Variants in SLC9B1 observed in about 807,000 individuals in gnomAD.
The protein encoded by SLC9B1 is solute carrier family 9 member B1.
A neutral mutation model predicts 51.7 loss-of-function variants in SLC9B1; 32 were observed. That is an observed-to-expected ratio of 0.62 (90% CI 0.47 to 0.83). The LOEUF is 0.83. Ranked by LOEUF, SLC9B1 falls within the 40% of genes least tolerant of loss-of-function variation. The pLI is 0.00. For synonymous variants in SLC9B1, 145 were observed against 212.7 expected, an observed-to-expected ratio of 0.68 and a Z score of 2.77; for missense variants, 406 against 613.2, an observed-to-expected ratio of 0.66 and a Z score of 3.57.
At chr4:102,982,254 T>C (rs899720476) in intron 3 of SLC9B1, among the ~76,000 whole-genome samples, 4 of 152,162 alleles carry the variant, frequency 2.6e-5, no homozygotes, top group African/African-American at 7.2e-5. Flanking sequence ...TTCTGTTTGA[T>C]TGATCTCTTT....
At chr4:102,905,750 G>A in intron 10 of SLC9B1, 100 bp from the exon 11 acceptor site, 1 of 1,102,320 alleles carries the variant, frequency 9.1e-7, no homozygotes, top group South Asian at 1.4e-5. Context: ...AACATTTTAA[G>A]GCTATTGTCT....
At chr4:102,949,644 T>C (rs918894674) in intron 3 of SLC9B1, among the ~76,000 whole-genome samples, 10 of 152,126 alleles carry the variant, frequency 6.6e-5, no homozygotes, top group Admixed American at 4.6e-4. Context: ...AAACAAAGTG[T>C]TTTTACTTTA....
chr4:103,015,274 T>C (rs1049702240), intron 1 of SLC9B1, among the ~76,000 whole-genome samples: 2 of 143,884 alleles, frequency 1.4e-5, no homozygotes, highest in African/African-American at 2.6e-5. Context: ...AATTTGAATG[T>C]ATGGACCAAA....
At chr4:102,886,763 T>C (rs552652016) in intron 11 of SLC9B1, among the ~76,000 whole-genome samples, 34 of 204 alleles carry the variant, frequency 0.17, no homozygotes, top group Middle Eastern at 0.5. Context: ...CACAGGCGTA[T>C]GCACCACGCC....
At chr4:102,988,056 C>T (rs1430674932) in intron 3 of SLC9B1, among the ~76,000 whole-genome samples, 1 of 152,142 alleles carries the variant, frequency 6.6e-6, no homozygotes, top group South Asian at 2.1e-4. Context: ...AGACTGCTAA[C>T]TTCATAAAAC....
rs757592104 is a variant in SLC9B1, at chr4:102,906,659, A to G, written c.1087-15T>C. On this transcript the variant is annotated splice_polypyrimidine_tract_variant and intron_variant, in intron 9 of 11. Transcript: ENST00000296422. ...TGGACTTTCATCTATAGAAAAGAGAAATACATTTATAATGATTTTGGCACA... is the reference window on the plus strand; with the variant it reads ...TGGACTTTCATCTATAGAAAAGAGAGATACATTTATAATGATTTTGGCACA... The G allele has an allele frequency of 4.3e-6, 6 of 1,399,918 alleles. No individual in the cohort carries two copies. The highest frequency in any genetic ancestry group is 1.4e-5 in the African/African-American group (1 of 70,118). The allele number at this position is 1,399,918 out of a possible 1,614,324, so 86.7% of individuals were successfully genotyped here. A position where few individuals can be genotyped will look rare whatever the true frequency, so the allele number is the denominator to read the frequency against.
At chr4:102,962,670 T>C in intron 3 of SLC9B1, 4 of 468,074 alleles carry the variant, frequency 8.5e-6, no homozygotes, top group South Asian at 4.8e-5. Context: ...ATCCTGATTG[T>C]AGGTGATACT....
intron 6 of SLC9B1, among the ~76,000 whole-genome samples, chr4:102,941,805 C>A (rs574412929): frequency 6.6e-6 from 1 of 150,928 alleles, no homozygotes; most frequent in African/African-American, 2.4e-5. Flanking sequence ...AAGTCCTAGC[C>A]AGAGCAATCA....
At chr4:102,974,293 T>C (rs1738942622) in intron 3 of SLC9B1, among the ~76,000 whole-genome samples, 1 of 97,794 alleles carries the variant, frequency 1.0e-5, no homozygotes, top group South Asian at 3.3e-4. Context: ...TAAAATAAAT[T>C]AAAGGAAATA....
At chr4:102,917,479 ATCTATATCTAT>A (rs1244771728) in intron 7 of SLC9B1, among the ~76,000 whole-genome samples, 2 of 144,702 alleles carry the variant, frequency 1.4e-5, no homozygotes, top group African/African-American at 5.4e-5. Flanking sequence ...CTATATCTAT[ATCTATATCTAT>A]ATCTCCTATT....
At chr4:102,948,367 C>CA (rs70941645) in intron 4 of SLC9B1, among the ~76,000 whole-genome samples, 8 of 139,042 alleles carry the variant, frequency 5.8e-5, no homozygotes, top group Non-Finnish European at 1.2e-4. Flanking sequence ...CACACACACA[C>CA]TACTGGTCAA....
chr4:102,973,932 G>C (rs184729888), intron 3 of SLC9B1, among the ~76,000 whole-genome samples: 1 of 152,176 alleles, frequency 6.6e-6, no homozygotes, highest in African/African-American at 2.4e-5. Context: ...TCCACCTTCG[G>C]AAGTTTGGAA....
chr4:102,945,062 C>A, intron 6 of SLC9B1, 131 bp downstream of exon 6: 1 of 1,083,908 alleles, frequency 9.2e-7, no homozygotes, highest in Non-Finnish European at 1.2e-6. Context: ...TAATCAACTG[C>A]TTTCCAAGGA....
At position 102,991,751 on chromosome 4, in the gene SLC9B1, A is replaced by G. The variant is rs767502596; in HGVS notation, c.-1-39T>C. 1.4e-5 allele frequency: 20 copies of G among 1,396,374 alleles called. No individual in the cohort carries two copies. In the East Asian group the frequency reaches 4.7e-4, roughly 33 times the overall value. 86.5% of individuals were successfully genotyped at this position (1,396,374 alleles called of 1,614,324 possible). A position where few individuals can be genotyped will look rare whatever the true frequency, so the allele number is the denominator to read the frequency against. On this transcript the variant is annotated intron_variant, in intron 1 of 11. Coordinates refer to ENST00000296422, the MANE Select transcript of SLC9B1 (RefSeq NM_139173.4). ...GAAAAATACTTTAAAAGAAGAAACA[A>G]GACTATAAATCCATATGAAAACAAA...
At chr4:102,972,258 C>G (rs773681069) in intron 3 of SLC9B1, among the ~76,000 whole-genome samples, 1 of 152,146 alleles carries the variant, frequency 6.6e-6, no homozygotes, top group Non-Finnish European at 1.5e-5. Context: ...ACAGGCAAAC[C>G]GAATCCAGCA....
chr4:102,947,623 G>A (rs1441168646), intron 4 of SLC9B1, among the ~76,000 whole-genome samples: 1 of 152,206 alleles, frequency 6.6e-6, no homozygotes, highest in Non-Finnish European at 1.5e-5. Context: ...AAAGTGCTGG[G>A]ATTATGGGCA....
intron 1 of SLC9B1, chr4:103,017,028 C>G (rs1418759601): frequency 1.3e-5 from 2 of 152,000 alleles, no homozygotes; most frequent in East Asian, 1.9e-4. Flanking sequence ...AAAACTCCCC[C>G]CTCCCACCGC....
chr4:103,002,991 G>T (rs1445739016), intron 1 of SLC9B1, among the ~76,000 whole-genome samples: 1 of 152,044 alleles, frequency 6.6e-6, no homozygotes, highest in Non-Finnish European at 1.5e-5. Flanking sequence ...ATATAAAAAA[G>T]AAACAAAATC....
chr4:102,975,719 C>T lies in SLC9B1; in HGVS notation c.211+14081G>A, dbSNP rs529268289. On this transcript the variant is annotated intron_variant, in intron 3 of 11. Transcript: ENST00000296422. Reference sequence around the variant, plus strand: ...GAGTAGCTGGGACTACAGGTGCATGCCATGATGTCTGGCTAATTTTGTATT... The same window carrying T: ...GAGTAGCTGGGACTACAGGTGCATGTCATGATGTCTGGCTAATTTTGTATT... Among the ~76,000 whole-genome samples the T allele has an allele frequency of 2.7e-5, 4 of 149,356 alleles. No homozygotes were observed. In the East Asian group the frequency reaches 8.0e-4, roughly 30 times the overall value.
Sources: allele counts gnomAD v4.1 joint callset (sites outside exome capture counted in the v4.1 genomes callset), GRCh38; gene constraint gnomAD v4.1.1; transcripts MANE v1.5; gene names NCBI Gene and HGNC (gene_info 2026-07-23, HGNC 2026-07-21).